The following KMT2C variants were observed in gnomAD, a reference collection of about 807,000 sequenced individuals.
The protein encoded by KMT2C is histone-lysine N-methyltransferase 2C.
KMT2C carries 88 observed loss-of-function variants against 507.9 expected under a neutral mutation model. The ratio of observed to expected loss-of-function variants is 0.17; its 90% CI spans 0.15 to 0.21. The LOEUF is 0.21. Ranked by LOEUF, KMT2C falls within the 10% of genes least tolerant of loss-of-function variation. KMT2C has a pLI of 1.00. For synonymous variants in KMT2C, 2,049 were observed against 2,080.8 expected (o/e 0.98, Z 0.42); for missense variants, 4,954 against 5,957.8 (o/e 0.83, Z 5.55).
At chr7:152,208,271 T>C (rs2094359305) in intron 23 of KMT2C, among the ~76,000 whole-genome samples, 1 of 152,248 alleles carries the variant, frequency 6.6e-6, no homozygotes, top group Non-Finnish European at 1.5e-5. Flanking sequence ...CTCAGTTCTT[T>C]GAATGTATCA....
chr7:152,296,067 CAAAAAAAAAAAA>C (rs34144566), intron 6 of KMT2C, among the ~76,000 whole-genome samples: 9 of 45,432 alleles, frequency 2.0e-4, no homozygotes, highest in African/African-American at 6.0e-4. Context: ...GACTCCGTCT[CAAAAAAAAAAAA>C]AAAAAAAAAA....
Position 152,138,416 on chromosome 7 carries a change from GA to G in KMT2C, c.14643+379del, listed in dbSNP as rs2090131995. The G allele has an allele frequency of 5.7e-6, 1 of 174,510 alleles. No individual in the cohort carries two copies. Among genetic ancestry groups the G allele is most frequent in the Admixed American group, 5.4e-5 (1 of 18,500 alleles). 10.8% of individuals were successfully genotyped at this position (174,510 alleles called of 1,614,324 possible). On this transcript the variant is annotated intron_variant, in intron 58 of 58. Transcript: ENST00000262189. This position sits in a 1 kb window ranked among gnomAD's most constrained non-coding sequence, Gnocchi z 4.2. Reference sequence around the variant, plus strand: ...CCACAGCCCAACAGTGCCATCTCAGGAGCCACGGCCCCCTTGGAGAAGGACG... The same window carrying G: ...CCACAGCCCAACAGTGCCATCTCAGGGCCACGGCCCCCTTGGAGAAGGACG...
At chr7:152,372,535 A>C (rs1393533762) in intron 1 of KMT2C, among the ~76,000 whole-genome samples, 2 of 152,206 alleles carry the variant, frequency 1.3e-5, no homozygotes, top group Non-Finnish European at 2.9e-5. Flanking sequence ...TGAGGCTGAA[A>C]GTGAAGAGAT....
intron 14 of KMT2C, among the ~76,000 whole-genome samples, chr7:152,242,805 CA>C (rs1588519170): frequency 1.3e-5 from 2 of 152,124 alleles, no homozygotes; most frequent in East Asian, 3.8e-4. Flanking sequence ...AGAGTACTAT[CA>C]GTTTTAAAAG....
chr7:152,422,073 T>C (rs1321520233), intron 1 of KMT2C, among the ~76,000 whole-genome samples: 8 of 151,964 alleles, frequency 5.3e-5, no homozygotes, highest in Non-Finnish European at 1.2e-4. Context: ...CGTTAGCATA[T>C]AAATGGGAGC....
rs146639500 is a variant in KMT2C at position 152,400,293 on chromosome 7, A to G, written c.161+35333T>C. Reference sequence around the variant, plus strand: ...CACTGCACTCCAGCCTGGGCAACAGAGCAAGACTCCGTCTCAAAAAAATAA... The same window carrying G: ...CACTGCACTCCAGCCTGGGCAACAGGGCAAGACTCCGTCTCAAAAAAATAA... On this transcript the variant is annotated intron_variant, in intron 1 of 58. Coordinates refer to ENST00000262189, the MANE Select transcript of KMT2C (RefSeq NM_170606.3). 1.4e-3 allele frequency among the ~76,000 whole-genome samples: 211 copies of G among 148,352 alleles called. 1 individual carries two copies. The highest frequency in any genetic ancestry group is 5.1e-3 in the African/African-American group (203 of 40,000).
At chr7:152,340,720 T>C (rs993567946) in intron 2 of KMT2C, among the ~76,000 whole-genome samples, 4 of 152,214 alleles carry the variant, frequency 2.6e-5, no homozygotes, top group Admixed American at 1.3e-4. Flanking sequence ...TGACTTACTC[T>C]CTTTATAATT....
intron 2 of KMT2C, among the ~76,000 whole-genome samples, chr7:152,356,229 A>T (rs67378255): frequency 0.05 from 7,603 of 152,258 alleles, 335 homozygotes; most frequent in African/African-American, 0.11. Flanking sequence ...AAAAATGAGA[A>T]GGGGTGTTGG....
intron 2 of KMT2C, among the ~76,000 whole-genome samples, chr7:152,353,534 C>T (rs529959685): frequency 6.6e-6 from 1 of 152,214 alleles, no homozygotes; most frequent in East Asian, 1.9e-4. Flanking sequence ...CACTCTGTTA[C>T]CCAGACTGGT....
chr7:152,270,247 C>G (rs2095937389), intron 7 of KMT2C, among the ~76,000 whole-genome samples: 1 of 152,070 alleles, frequency 6.6e-6, no homozygotes, highest in Non-Finnish European at 1.5e-5. Flanking sequence ...GGTCAGAGGA[C>G]TGACAGAATT....
chr7:152,283,920 C>T (rs1588894123), intron 6 of KMT2C, among the ~76,000 whole-genome samples: 2 of 149,062 alleles, frequency 1.3e-5, no homozygotes, highest in East Asian at 1.9e-4. Flanking sequence ...CAGCAAATAA[C>T]TCAAATCTTT....
Position 152,176,580 on chromosome 7 carries a change from A to T in KMT2C, c.8873T>A (p.Ile2958Lys), listed in dbSNP as rs2093220716. Reference sequence around the variant, plus strand: ...ATCCAAAACACGGCCAGGCGGTGCTATGAAAGGAGGCAAACTTGACACATG... The same window carrying T: ...ATCCAAAACACGGCCAGGCGGTGCTTTGAAAGGAGGCAAACTTGACACATG... Reference protein sequence around the residue: ...SNHVSSLPPFIAPPGRVLDNA... With the variant: ...SNHVSSLPPFKAPPGRVLDNA... The change falls in exon 38 of 59, where the codon ATA (isoleucine) becomes AAA (lysine). Residue 2958 changes from isoleucine to lysine, a missense_variant. Around this residue, in one of 29 missense-constraint regions of KMT2C, gnomAD observed 1,689 missense variants for 1,654.3 expected, o/e 1.02. Coordinates refer to ENST00000262189, the MANE Select transcript of KMT2C (RefSeq NM_170606.3). The T allele has an allele frequency of 6.2e-7, 1 of 1,614,038 alleles. No homozygotes were observed. The highest frequency in any genetic ancestry group is 1.3e-5 in the African/African-American group (1 of 74,936).
intron 56 of KMT2C, 100 bp from the exon 57 acceptor site, chr7:152,139,359 GGCAGCCT>G: frequency 9.5e-7 from 1 of 1,050,708 alleles, no homozygotes; most frequent in Non-Finnish European, 1.5e-6. Flanking sequence ...TGAACGGAAC[GGCAGCCT>G]GATCATCCTT....
intron 33 of KMT2C, 107 bp from the exon 34 acceptor site, chr7:152,185,738 T>C (rs2093606955): frequency 1.2e-6 from 1 of 837,862 alleles, no homozygotes; most frequent in Non-Finnish European, 2.0e-6. Flanking sequence ...TCAGGCCGTA[T>C]TCTCATGAGG....
intron 3 of KMT2C, among the ~76,000 whole-genome samples, chr7:152,330,122 G>A (rs1033696207): frequency 4.5e-5 from 5 of 110,674 alleles, no homozygotes; most frequent in Non-Finnish European, 8.4e-5. Context: ...CCAGCTTGGT[G>A]ACAGAGCAAG....
Position 152,165,283 on chromosome 7 carries a change from T to C in KMT2C, c.9751-1457A>G, listed in dbSNP as rs575807048. ...ACTGCTTATCTTAATATGATTATAC[T>C]GGATCTTTGGCAACTATGTAATAGA... On this transcript the variant is annotated intron_variant, in intron 42 of 58. Transcript: ENST00000262189. 8.5e-5 allele frequency among the ~76,000 whole-genome samples: 13 copies of C among 152,362 alleles called. No homozygotes were observed. The South Asian group carries it at 2.1e-3, about 24-fold the overall frequency.
chr7:152,253,687 G>A (rs1231537826), intron 9 of KMT2C, among the ~76,000 whole-genome samples: 1 of 151,832 alleles, frequency 6.6e-6, no homozygotes, highest in Non-Finnish European at 1.5e-5. Flanking sequence ...AGACTGCCAT[G>A]GTGGGTGGGG....
At chr7:152,329,514 G>A (rs116330323) in intron 3 of KMT2C, among the ~76,000 whole-genome samples, 3,776 of 151,840 alleles carry the variant, frequency 0.025, 159 homozygotes, top group African/African-American at 0.086. Context: ...AGCCTGCAGT[G>A]AGCTGTGATC....
At chr7:152,156,641 C>G (rs1247086618) in intron 44 of KMT2C, among the ~76,000 whole-genome samples, 1 of 152,180 alleles carries the variant, frequency 6.6e-6, no homozygotes, top group African/African-American at 2.4e-5. Context: ...TGCAATTCTT[C>G]AAGTTTCGTG....
Sources: allele counts gnomAD v4.1 joint callset (sites outside exome capture counted in the v4.1 genomes callset), GRCh38; gene constraint gnomAD v4.1.1; regional missense constraint gnomAD v4.1.1; non-coding constraint Gnocchi (gnomAD v3.1); transcripts MANE v1.5; gene names NCBI Gene and HGNC (gene_info 2026-07-23, HGNC 2026-07-21).